Variants in WWC2 observed in about 807,000 individuals in gnomAD.
WWC2 encodes protein WWC2.
A neutral mutation model predicts 138.5 loss-of-function variants in WWC2; 101 were observed. The ratio of observed to expected loss-of-function variants is 0.73; its 90% CI spans 0.62 to 0.86. The LOEUF is 0.86. Ranked by LOEUF, WWC2 falls within the 40% of genes least tolerant of loss-of-function variation. The pLI is 0.00. For synonymous variants in WWC2, 558 were observed against 538.4 expected (o/e 1.04, Z -0.50); for missense variants, 1,420 against 1,419.4 (o/e 1.00, Z -0.01).
intron 19 of WWC2, among the ~76,000 whole-genome samples, 168 bp from the exon 20 acceptor site, chr4:183,285,799 G>A (rs1169187396): frequency 6.6e-6 from 1 of 151,998 alleles, no homozygotes; most frequent in Admixed American, 6.6e-5. Context: ...GGAAAATGAA[G>A]TTATTTAACA....
intron 4 of WWC2, among the ~76,000 whole-genome samples, chr4:183,211,384 C>T (rs547915866): frequency 6.6e-6 from 1 of 152,260 alleles, no homozygotes; most frequent in East Asian, 1.9e-4. Flanking sequence ...TAGTTACTTG[C>T]CCAAATTCTG....
At chr4:183,282,642 GC>G in intron 17 of WWC2, 65 bp from the exon 18 acceptor site, 2 of 1,456,118 alleles carry the variant, frequency 1.4e-6, no homozygotes, top group Non-Finnish European at 1.9e-6. Flanking sequence ...AACTTAGCAT[GC>G]CCAGGTTGCG....
chr4:183,190,124 T>A (rs560642351), intron 1 of WWC2, among the ~76,000 whole-genome samples: 18 of 152,326 alleles, frequency 1.2e-4, no homozygotes, highest in Admixed American at 1.0e-3. Context: ...ATCTCTGGAA[T>A]TCAGCATTAA....
At chr4:183,174,136 A>G (rs948815409) in intron 1 of WWC2, among the ~76,000 whole-genome samples, 1 of 152,158 alleles carries the variant, frequency 6.6e-6, no homozygotes, top group East Asian at 1.9e-4. Context: ...GTGTGTGCAC[A>G]CTCTGTAATG....
At chr4:183,175,327 T>TCTTGGCTCACTGTAGC (rs1201255750) in intron 1 of WWC2, among the ~76,000 whole-genome samples, 1 of 152,202 alleles carries the variant, frequency 6.6e-6, no homozygotes, top group Non-Finnish European at 1.5e-5. Flanking sequence ...AGCGGTGTGA[T>TCTTGGCTCACTGTAGC]CTTGGCTCAC....
At chr4:183,235,861 C>T (rs891378584) in intron 4 of WWC2, among the ~76,000 whole-genome samples, 1 of 152,122 alleles carries the variant, frequency 6.6e-6, no homozygotes, top group African/African-American at 2.4e-5. Flanking sequence ...TTAAATTGAC[C>T]TATCATCATA....
chr4:183,133,082 T>C (rs2111076432), intron 1 of WWC2, among the ~76,000 whole-genome samples: 1 of 138,278 alleles, frequency 7.2e-6, no homozygotes, highest in South Asian at 2.2e-4. Flanking sequence ...CCCTCTTCCC[T>C]TACCTTTTTC....
chr4:183,218,825 A>G (rs1314079040), intron 4 of WWC2, among the ~76,000 whole-genome samples: 2 of 152,230 alleles, frequency 1.3e-5, no homozygotes, highest in South Asian at 2.1e-4. Context: ...TGGATGAGGT[A>G]TATTCACATT....
intron 4 of WWC2, among the ~76,000 whole-genome samples, chr4:183,210,401 G>C (rs1735563690): frequency 6.6e-6 from 1 of 152,070 alleles, no homozygotes; most frequent in Non-Finnish European, 1.5e-5. Context: ...GAATAACATT[G>C]TATTGTATTA....
intron 1 of WWC2, among the ~76,000 whole-genome samples, chr4:183,176,219 A>G (rs1734463237): frequency 6.6e-6 from 1 of 152,212 alleles, no homozygotes; most frequent in African/African-American, 2.4e-5. Context: ...ATAAAAATTC[A>G]ATCGTATGTT....
At chr4:183,230,106 C>T (rs576433359) in intron 4 of WWC2, among the ~76,000 whole-genome samples, 5 of 152,140 alleles carry the variant, frequency 3.3e-5, no homozygotes, top group African/African-American at 4.8e-5. Context: ...GGATTAGAAG[C>T]GTGAGCCACC....
intron 1 of WWC2, among the ~76,000 whole-genome samples, chr4:183,126,815 C>T (rs1732770364): frequency 6.6e-6 from 1 of 151,900 alleles, no homozygotes; most frequent in African/African-American, 2.4e-5. Flanking sequence ...CTGCAGCCTC[C>T]ACCTCCTGGC....
chr4:183,147,218 A>G (rs1180834509), intron 1 of WWC2, among the ~76,000 whole-genome samples: 1 of 152,230 alleles, frequency 6.6e-6, no homozygotes, highest in African/African-American at 2.4e-5. Context: ...GTTCTATCCC[A>G]GATGCTTATA....
chr4:183,307,095 A>G (rs1397942), intron 21 of WWC2, among the ~76,000 whole-genome samples: 39,881 of 152,018 alleles, frequency 0.26, 5,900 homozygotes, highest in Middle Eastern at 0.43. Context: ...TCACCAAGAT[A>G]TAGACCACAG....
intron 1 of WWC2, among the ~76,000 whole-genome samples, chr4:183,126,708 A>G (rs73872923): frequency 0.03 from 4,577 of 152,144 alleles, 234 homozygotes; most frequent in African/African-American, 0.11. Context: ...TCTATGGCCT[A>G]TGTATGCACA....
intron 1 of WWC2, among the ~76,000 whole-genome samples, chr4:183,183,734 G>C: frequency 6.6e-6 from 1 of 151,856 alleles, no homozygotes. Flanking sequence ...GCTGAGCCGT[G>C]ATCGTCCCGC....
intron 17 of WWC2, 78 bp from the exon 18 acceptor site, chr4:183,282,630 A>T (rs1489657472): frequency 7.2e-7 from 1 of 1,392,866 alleles, no homozygotes; most frequent in African/African-American, 1.4e-5. Flanking sequence ...TTCCCAGATA[A>T]CAACTTAGCA....
At chr4:183,284,126 G>A in intron 18 of WWC2, 100 bp from the exon 19 acceptor site, 1 of 1,435,644 alleles carries the variant, frequency 7.0e-7, no homozygotes, top group African/African-American at 1.4e-5. Flanking sequence ...TGCTCCATGA[G>A]TCTCTGTTGT....
Position 183,099,633 on chromosome 4 carries a change from G to C in WWC2, c.131+11G>C, listed in dbSNP as rs1378998704. 9 of 1,325,022 alleles carry C rather than the reference G, an allele frequency of 6.8e-6. No homozygotes were observed. The highest frequency in any genetic ancestry group is 7.8e-6 in the Non-Finnish European group (8 of 1,020,752). 82.1% of individuals were successfully genotyped at this position (1,325,022 alleles called of 1,614,324 possible). A position where few individuals can be genotyped will look rare whatever the true frequency, so the allele number is the denominator to read the frequency against. On this transcript the variant is annotated intron_variant, in intron 1 of 22. Transcript: ENST00000403733. ...CGACCCCCGGGACAGGTGGGCGCCG[G>C]CCGCGGGGGCGCGGGCCCGTTCGGA...
Sources: gnomAD v4.1 joint callset for allele counts (sites outside exome capture counted in the v4.1 genomes callset) on GRCh38, gnomAD v4.1.1 for gene constraint, MANE v1.5 for transcripts, NCBI Gene and HGNC (gene_info 2026-07-23, HGNC 2026-07-21) for gene names.